Variants in MUC6 observed in about 807,000 individuals in gnomAD.
The protein encoded by MUC6 is mucin 6, oligomeric mucus/gel-forming (gene/pseudogene), also known as mucin-6.
A neutral mutation model predicts 201.5 loss-of-function variants in MUC6; 188 were observed. The ratio of observed to expected loss-of-function variants is 0.93; its 90% CI spans 0.83 to 1.05. MUC6 has a LOEUF of 1.05. Ranked by LOEUF, MUC6 falls within the 50% of genes least tolerant of loss-of-function variation. MUC6 has a pLI of 0.00. For missense variants in MUC6, 2,706 were observed against 3,256.9 expected (o/e 0.83, Z 4.12); for synonymous variants, 1,228 against 1,389.4 (o/e 0.88, Z 2.58).
Position 1,019,215 on chromosome 11 carries a change from A to C in MUC6, c.4030+60T>G. The C allele has an allele frequency of 2.6e-6, 4 of 1,530,894 alleles. No homozygotes were observed. In the South Asian group the frequency reaches 4.5e-5, roughly 17 times the overall value. 94.8% of individuals were successfully genotyped at this position (1,530,894 alleles called of 1,614,324 possible). On this transcript the variant is annotated intron_variant, in intron 30 of 32. Transcript: ENST00000421673. The stretch of plus-strand genomic sequence containing the variant: ...CTTTATGGCTGAATCACTGAATGTG[A>C]GCTGGTGGTGGGACCGGGTGCCTTC...
chr11:1,029,809 C>T (rs1384480471), intron 8 of MUC6, among the ~76,000 whole-genome samples, 194 bp from the exon 9 acceptor site: 1 of 152,194 alleles, frequency 6.6e-6, no homozygotes, highest in African/African-American at 2.4e-5. Context: ...CTCTCTCCAG[C>T]TGCACTTGCA....
At position 1,013,496 on chromosome 11, in the gene MUC6, A is replaced by G; in HGVS notation, c.7280T>C (p.Phe2427Ser). 2 of 1,584,926 alleles carry G rather than the reference A, an allele frequency of 1.3e-6. No individual in the cohort carries two copies. The highest frequency in any genetic ancestry group is 1.7e-6 in the Non-Finnish European group (2 of 1,167,140). ...GRRLVLTLQV[F>S]SHCVCSSVAC... ...CACAGAGCTGCACACGCAGTGGCTGAACACCTGCAGGGTGAGTACGAGCCG... is the reference window on the plus strand; with the variant it reads ...CACAGAGCTGCACACGCAGTGGCTGGACACCTGCAGGGTGAGTACGAGCCG... Residue 2427 changes from phenylalanine to serine, a missense_variant, in exon 33 of 33, where the codon TTC (phenylalanine) becomes TCC (serine). By Grantham distance (155) the Phe-to-Ser change is radical. Transcript: ENST00000421673.
At chr11:1,023,793 C>G (rs1052525858) in intron 25 of MUC6, 141 bp from the exon 26 acceptor site, 1 of 1,448,676 alleles carries the variant, frequency 6.9e-7, no homozygotes, top group Non-Finnish European at 9.2e-7. Context: ...CCCTGGGCAG[C>G]TGGGGGCTGC....
In MUC6 at chr11:1,024,836, G is replaced by A; in HGVS notation, c.3225+8C>T. 1.2e-6 allele frequency: 2 copies of A among 1,606,906 alleles called. No homozygotes were observed. The highest frequency in any genetic ancestry group is 1.1e-5 in the South Asian group (1 of 90,968). ...GGCAGGCGCACAGCCCTCGTGCCCG[G>A]TGCCCACCTTGCTGTGGCAGGTGGC... is the stretch of plus-strand genomic sequence containing the variant. On this transcript the variant is annotated splice_region_variant and intron_variant, in intron 24 of 32. Transcript: ENST00000421673.
rs758487393 is a variant in MUC6 at position 1,025,011 on chromosome 11, C to G, written c.3058G>C (p.Val1020Leu). 1 of 1,612,996 alleles carries G rather than the reference C, an allele frequency of 6.2e-7. No homozygotes were observed. Among genetic ancestry groups the G allele is most frequent in the African/African-American group, 1.3e-5 (1 of 74,954 alleles). ...KDDFETRSRY[V>L]ASSELELVNS... ...ACCAACTCCAGCTCGCTGGATGCCA[C>G]GTACCTGCTGCGCGTCTCGAAGTCG... The change falls in exon 24 of 33, where the codon GTG becomes CTG. Residue 1020 changes from valine (V) to leucine (L), a missense_variant. By Grantham distance (32) the Val-to-Leu change is conservative. Transcript: ENST00000421673.
Position 1,027,459 on chromosome 11 carries a change from G to A in MUC6, c.2040C>T (p.Thr680=), listed in dbSNP as rs765743188. 1 of 1,612,802 alleles carries A rather than the reference G, an allele frequency of 6.2e-7. No individual in the cohort carries two copies. The highest frequency in any genetic ancestry group is 1.1e-5 in the South Asian group (1 of 91,078). The change falls in exon 17 of 33, where the codon ACC becomes ACT. Residue 680 remains threonine (T), a synonymous_variant. Transcript: ENST00000421673. ...TGGCACGGTCCGACAGCGACAGGCA[G>A]GTGCGCTCACAGGCTTGGCTGTTGT... ...FSYNSQACER[T]CLSLSDRATE... is the part of the protein sequence containing the mutation.
chr11:1,036,116 C>G (rs866759516), intron 1 of MUC6, among the ~76,000 whole-genome samples: 5 of 152,090 alleles, frequency 3.3e-5, no homozygotes, highest in Non-Finnish European at 5.9e-5. Context: ...CTCTTCCCCC[C>G]ACGGCGGCCA....
rs1370114570 is a variant in MUC6, at chr11:1,016,121, G to T, written c.6680C>A (p.Pro2227His). The change falls in exon 31 of 33, where the codon CCC (proline) becomes CAC (histidine). Residue 2227 changes from proline to histidine, a missense_variant. Physicochemically the swap from Pro to His is moderately conservative, Grantham distance 77 (BLOSUM62 -2). Coordinates refer to ENST00000421673, the MANE Select transcript of MUC6 (RefSeq NM_005961.3). ...GGGAGACACGGTAACAGTGGATATG[G>T]GGAGTAGAGCAGAGAGGGTGAAAGG... ...SSPFTLSALL[P>H]ISTVTVSPTP... is the part of the protein sequence containing the mutation. 6.2e-7 allele frequency: 1 copy of T among 1,613,706 alleles called. No homozygotes were observed.
At chr11:1,032,947 C>T (rs1271779190) in intron 2 of MUC6, 66 bp downstream of exon 2, 2 of 1,450,754 alleles carry the variant, frequency 1.4e-6, no homozygotes, top group Admixed American at 2.2e-5. Flanking sequence ...GGCTCCGGGC[C>T]CCTCTCTCCT....
chr11:1,021,079 TG>T, intron 27 of MUC6, 135 bp downstream of exon 27: 1 of 883,336 alleles, frequency 1.1e-6, no homozygotes, highest in Non-Finnish European at 1.7e-6. Context: ...GCCAGGGTCC[TG>T]GAGAGTGGAG....
chr11:1,031,189 T>C lies in MUC6; in HGVS notation c.554A>G (p.Asn185Ser), dbSNP rs768875648. 2.7e-6 allele frequency: 4 copies of C among 1,487,430 alleles called. No homozygotes were observed. Among genetic ancestry groups the C allele is most frequent in the Middle Eastern group, 1.8e-4 (1 of 5,488 alleles). The allele number at this position is 1,487,430 out of a possible 1,614,324, so 92.1% of individuals were successfully genotyped here. A position where few individuals can be genotyped will look rare whatever the true frequency, so the allele number is the denominator to read the frequency against. ...CCTACCCTCCTCACTGACAAACTCG[T>C]TGGTCACCTTCCCGTCAAAGTTCCC... Reference protein sequence around the residue: ...LCGNFDGKVTNEFVSEEGKFL... With the variant: ...LCGNFDGKVTSEFVSEEGKFL... Residue 185 changes from asparagine (N) to serine (S), a missense_variant, in exon 5 of 33, where the codon AAC becomes AGC. Around this residue, in one of 10 missense-constraint regions of MUC6, gnomAD observed 1,850 missense variants for 1,958.3 expected, o/e 0.94. Coordinates refer to ENST00000421673, the MANE Select transcript of MUC6 (RefSeq NM_005961.3).
At chr11:1,014,207 C>CA (rs1423937239) in intron 31 of MUC6, among the ~76,000 whole-genome samples, 2 of 152,240 alleles carry the variant, frequency 1.3e-5, no homozygotes, top group Non-Finnish European at 2.9e-5. Context: ...TTTTTCCCCT[C>CA]AAAGTCGCTC....
Position 1,032,029 on chromosome 11 carries a change from G to T in MUC6, c.140C>A (p.Thr47Lys), listed in dbSNP as rs1026161249. 9 of 1,613,364 alleles carry T rather than the reference G, an allele frequency of 5.6e-6. No individual in the cohort carries two copies. The highest frequency in any genetic ancestry group is 7.6e-6 in the Non-Finnish European group (9 of 1,179,870). ...QTAPDKGQCS[T>K]WGAGHFSTFD... ...GGTGGAGAAGTGACCAGCCCCCCAC[G>T]TGGAGCACTGGCCTTTGTCCGGGGC... Residue 47 changes from threonine (T) to lysine (K), a missense_variant, in exon 3 of 33, where the codon ACG becomes AAG. Physicochemically the swap from Thr to Lys is moderately conservative, Grantham distance 78. Around this residue, in one of 10 missense-constraint regions of MUC6, gnomAD observed 1,850 missense variants for 1,958.3 expected, o/e 0.94. Transcript: ENST00000421673.
At chr11:1,032,117 G>A in intron 2 of MUC6, 64 bp from the exon 3 acceptor site, 2 of 1,583,006 alleles carry the variant, frequency 1.3e-6, no homozygotes, top group East Asian at 2.3e-5. Flanking sequence ...CAGGGCTGGG[G>A]CAGGCAGAGA....
At chr11:1,015,689 T>A in intron 31 of MUC6, 73 bp downstream of exon 31, 1 of 1,494,256 alleles carries the variant, frequency 6.7e-7, no homozygotes, top group Admixed American at 2.4e-5. Flanking sequence ...AGGGGTAAGC[T>A]GAGGCAGGGG....
In MUC6 at chr11:1,012,961, T is replaced by C. The variant is rs1365257577; in HGVS notation, c.*495A>G. The stretch of plus-strand genomic sequence containing the variant: ...GCGGGGGCGGCTGCCCTGCCCTCGC[T>C]GCCACCCTCTGCCCTCCCTGACTCT... On this transcript the variant is annotated 3_prime_UTR_variant, in exon 33 of 33. Transcript: ENST00000421673. 2 of 156,426 alleles carry C rather than the reference T, an allele frequency of 1.3e-5. No homozygotes were observed. The highest frequency in any genetic ancestry group is 2.8e-5 in the Non-Finnish European group (2 of 71,126). 9.7% of individuals were successfully genotyped at this position (156,426 alleles called of 1,614,324 possible). A position where few individuals can be genotyped will look rare whatever the true frequency, so the allele number is the denominator to read the frequency against.
At chr11:1,020,290 G>T (rs371757347) in intron 28 of MUC6, 33 bp from the exon 29 acceptor site, 2 of 1,576,652 alleles carry the variant, frequency 1.3e-6, no homozygotes, top group Admixed American at 3.8e-5. Context: ...AGGGCTGCAG[G>T]GTACCGGCAT....
At chr11:1,032,783 G>A (rs928766821) in intron 2 of MUC6, among the ~76,000 whole-genome samples, 11 of 150,904 alleles carry the variant, frequency 7.3e-5, no homozygotes, top group African/African-American at 2.0e-4. Flanking sequence ...TGTGTGTGAC[G>A]TGTGCTCATG....
In MUC6 at chr11:1,033,241, G is replaced by A. The variant is rs1279098181; in HGVS notation, c.53-166C>T. ...GGCCTCAACAGCAAGCCAAGCGCTT[G>A]GCCTCCCATGCTGTCCTTCACGAGC... On this transcript the variant is annotated intron_variant, in intron 1 of 32. Transcript: ENST00000421673. This position sits in a 1 kb window ranked among gnomAD's most constrained non-coding sequence, Gnocchi z 5.6. 3 of 633,304 alleles carry A rather than the reference G, an allele frequency of 4.7e-6. No homozygotes were observed. The highest frequency in any genetic ancestry group is 5.5e-5 in the East Asian group (2 of 36,326). 39.2% of individuals were successfully genotyped at this position (633,304 alleles called of 1,614,324 possible).
Sources: allele counts gnomAD v4.1 joint callset (sites outside exome capture counted in the v4.1 genomes callset), GRCh38; gene constraint gnomAD v4.1.1; regional missense constraint gnomAD v4.1.1; non-coding constraint Gnocchi (gnomAD v3.1); transcripts MANE v1.5; gene names NCBI Gene and HGNC (gene_info 2026-07-23, HGNC 2026-07-21).